The following PRUNE2 variants were observed in gnomAD, a reference collection of about 807,000 sequenced individuals.
PRUNE2 encodes the protein prune homolog 2 with BCH domain.
In PRUNE2, 164 loss-of-function variants were observed where a neutral mutation model predicts 252.0. The ratio of observed to expected loss-of-function variants is 0.65; its 90% CI spans 0.57 to 0.74. The LOEUF (loss-of-function observed/expected upper bound fraction) is 0.74, where lower values mean the gene tolerates loss of function less well. Ranked by LOEUF, PRUNE2 falls within the 30% of genes least tolerant of loss-of-function variation. PRUNE2 has a pLI of 0.00. For missense variants in PRUNE2, 3,495 were observed against 3,711.0 expected (o/e 0.94, Z 1.51); for synonymous variants, 1,292 against 1,350.2 (o/e 0.96, Z 0.94).
chr9:76,805,691 A>G (rs180764586), intron 6 of PRUNE2, among the ~76,000 whole-genome samples: 2 of 152,362 alleles, frequency 1.3e-5, no homozygotes, highest in African/African-American at 4.8e-5. Flanking sequence ...CACCAGAACT[A>G]CTAAATTGTG....
At chr9:76,637,288 A>C in intron 14 of PRUNE2, 130 bp downstream of exon 14, 1 of 900,340 alleles carries the variant, frequency 1.1e-6, no homozygotes, top group South Asian at 1.6e-5. Context: ...CAACTTAGAC[A>C]ATTTATTTGA....
intron 6 of PRUNE2, among the ~76,000 whole-genome samples, chr9:76,719,173 A>G (rs1367772112): frequency 6.6e-6 from 1 of 152,190 alleles, no homozygotes; most frequent in Non-Finnish European, 1.5e-5. Context: ...TATAAATTGA[A>G]TAATGACACT....
Position 76,829,173 on chromosome 9 carries a change from CAG to C in PRUNE2, c.509-2443_509-2442del, listed in dbSNP as rs138259832. Among the ~76,000 whole-genome samples, 518 of 152,262 alleles carry C rather than the reference CAG, an allele frequency of 3.4e-3. 1 individual carries two copies. Among genetic ancestry groups the C allele is most frequent in the Non-Finnish European group, 6.4e-3 (433 of 68,008 alleles). On this transcript the variant is annotated intron_variant, in intron 4 of 18. Coordinates refer to ENST00000376718, the MANE Select transcript of PRUNE2 (RefSeq NM_015225.3). The stretch of plus-strand genomic sequence containing the variant: ...TTTTTAAAAATCTGTGAAAGTATCA[CAG>C]AGTTACCCAAGTAACTGTCTTGGAA...
chr9:76,893,693 C>T (rs2062632837), intron 1 of PRUNE2, among the ~76,000 whole-genome samples: 1 of 152,222 alleles, frequency 6.6e-6, no homozygotes, highest in Non-Finnish European at 1.5e-5. Flanking sequence ...GTGAGAAATG[C>T]ATTTGTTCCC....
rs774230412 is a variant in PRUNE2, at chr9:76,713,702, T to C, written c.776A>G (p.Asn259Ser). The C allele has an allele frequency of 1.1e-5, 18 of 1,597,906 alleles. No individual in the cohort carries two copies. Among genetic ancestry groups the C allele is most frequent in the Non-Finnish European group, 1.4e-5 (16 of 1,171,618 alleles). ...MNLENCLFHS[N>S]ITSDLKAFTD... ...AAATGCTTTCAAGTCACTGGTAATA[T>C]TGCTGTGAAATAGACAATTCTGAAA... The change falls in exon 7 of 19, where the codon AAT (asparagine) becomes AGT (serine). Residue 259 changes from asparagine (N) to serine (S), a missense_variant. By Grantham distance (46) the Asn-to-Ser change is conservative. Transcript: ENST00000376718.
intron 6 of PRUNE2, among the ~76,000 whole-genome samples, chr9:76,718,508 T>C (rs1232896924): frequency 6.6e-6 from 1 of 152,160 alleles, no homozygotes; most frequent in Non-Finnish European, 1.5e-5. Flanking sequence ...TTCCATGAGA[T>C]TGACCCTCCC....
At chr9:76,731,324 A>ATTTT (rs1181079797) in intron 6 of PRUNE2, among the ~76,000 whole-genome samples, 8 of 106,794 alleles carry the variant, frequency 7.5e-5, no homozygotes, top group African/African-American at 2.8e-4. Flanking sequence ...ATATATATAT[A>ATTTT]TTTTTTTTTT....
chr9:76,708,843 C>T lies in PRUNE2; in HGVS notation c.3431G>A (p.Gly1144Asp). Reference protein sequence around the residue: ...NDLDWDDCSGGAAIPSDGQTE... With the variant: ...NDLDWDDCSGDAAIPSDGQTE... ...TTGACCATCACTGGGGATTGCCGCA[C>T]CCCCACTGCAGTCATCCCAGTCCAA... Residue 1144 changes from glycine (G) to aspartate (D), a missense_variant, in exon 8 of 19, where the codon GGT becomes GAT. Coordinates refer to ENST00000376718, the MANE Select transcript of PRUNE2 (RefSeq NM_015225.3). 1 of 1,613,914 alleles carries T rather than the reference C, an allele frequency of 6.2e-7. No individual in the cohort carries two copies. The highest frequency in any genetic ancestry group is 8.5e-7 in the Non-Finnish European group (1 of 1,179,856).
At chr9:76,758,759 C>G (rs915336971) in intron 6 of PRUNE2, 2 of 152,014 alleles carry the variant, frequency 1.3e-5, no homozygotes, top group Non-Finnish European at 2.9e-5. Context: ...ACCCTCAACA[C>G]AATCTGGATA....
chr9:76,753,355 T>A (rs374257991), intron 6 of PRUNE2, among the ~76,000 whole-genome samples: 1 of 19,128 alleles, frequency 5.2e-5, no homozygotes, highest in Non-Finnish European at 8.1e-5. Flanking sequence ...TATTTATTAC[T>A]AAAGGATGCA....
Position 76,706,230 on chromosome 9 carries a change from G to T in PRUNE2, c.6044C>A (p.Thr2015Lys), listed in dbSNP as rs1298435297. Residue 2015 changes from threonine to lysine, a missense_variant, in exon 8 of 19, where the codon ACA becomes AAA. Transcript: ENST00000376718. ...AGAACTGACAGCAGGAAAATTTTCT[G>T]TGGCAATGCTTGAATTTGTCATCTC... ...LGEMTNSSIA[T>K]ENFPAVSSPT... 6.2e-7 allele frequency: 1 copy of T among 1,613,962 alleles called. No individual in the cohort carries two copies. The highest frequency in any genetic ancestry group is 1.7e-5 in the Admixed American group (1 of 60,014).
intron 6 of PRUNE2, among the ~76,000 whole-genome samples, chr9:76,722,467 AAAG>A (rs2047730386): frequency 6.6e-6 from 1 of 152,180 alleles, no homozygotes; most frequent in Non-Finnish European, 1.5e-5. Flanking sequence ...CACATTTTGA[AAAG>A]AAAGTTAGAC....
intron 4 of PRUNE2, among the ~76,000 whole-genome samples, chr9:76,839,944 T>C (rs921003304): frequency 5.9e-5 from 9 of 152,148 alleles, no homozygotes. Flanking sequence ...GAAATTGGAA[T>C]AAAAGCAGGT....
At chr9:76,665,948 CATG>C (rs2040064380) in intron 9 of PRUNE2, among the ~76,000 whole-genome samples, 1 of 152,114 alleles carries the variant, frequency 6.6e-6, no homozygotes, top group African/African-American at 2.4e-5. Flanking sequence ...AGATCATAGA[CATG>C]ATTATATATG....
intron 6 of PRUNE2, among the ~76,000 whole-genome samples, chr9:76,716,234 T>A (rs576956690): frequency 7.2e-5 from 11 of 152,314 alleles, no homozygotes; most frequent in Non-Finnish European, 7.3e-5. Flanking sequence ...TTTTAATTCT[T>A]CTGTGTTAAA....
chr9:76,628,613 G>A (rs1425530963), intron 16 of PRUNE2, among the ~76,000 whole-genome samples: 2 of 152,162 alleles, frequency 1.3e-5, no homozygotes, highest in African/African-American at 4.8e-5. Context: ...ATTAACCAAT[G>A]TAACTGTTAC....
chr9:76,764,135 T>C (rs2052055934), intron 6 of PRUNE2, among the ~76,000 whole-genome samples: 1 of 152,234 alleles, frequency 6.6e-6, no homozygotes, highest in South Asian at 2.1e-4. Context: ...CCTGTGTTTC[T>C]GGCACTGTTC....
In PRUNE2 at chr9:76,710,445, G is replaced by T; in HGVS notation, c.1829C>A (p.Pro610Gln). The T allele has an allele frequency of 1.2e-6, 2 of 1,613,980 alleles. No homozygotes were observed. Among genetic ancestry groups the T allele is most frequent in the Non-Finnish European group, 1.7e-6 (2 of 1,179,888 alleles). The part of the protein sequence containing the change: ...RLKNTGKRIP[P>Q]TPMNSLVESS... ...TTCTACTAAACTATTCATGGGTGTT[G>T]GTGGGATCCTCTTTCCAGTATTTTT... Residue 610 changes from proline (P) to glutamine (Q), a missense_variant, in exon 8 of 19, where the codon CCA becomes CAA. Transcript: ENST00000376718.
chr9:76,691,095 T>C (rs1048785082), intron 9 of PRUNE2, among the ~76,000 whole-genome samples: 8 of 152,222 alleles, frequency 5.3e-5, no homozygotes, highest in African/African-American at 1.9e-4. Flanking sequence ...GATTTTGGAA[T>C]AGACTCATGC....
Sources: allele counts gnomAD v4.1 joint callset (sites outside exome capture counted in the v4.1 genomes callset), GRCh38; gene constraint gnomAD v4.1.1; transcripts MANE v1.5; gene names NCBI Gene and HGNC (gene_info 2026-07-23, HGNC 2026-07-21).